CADM3: variants seen among roughly 807,000 people sequenced by gnomAD.
CADM3 encodes the protein cell adhesion molecule 3.
A neutral mutation model predicts 44.9 loss-of-function variants in CADM3; 11 were observed. The ratio of observed to expected loss-of-function variants is 0.25; its 90% CI spans 0.15 to 0.41. CADM3 has a LOEUF of 0.41. Ranked by LOEUF, CADM3 falls within the 10% of genes least tolerant of loss-of-function variation. The pLI is 1.00. For synonymous variants in CADM3, 207 were observed against 205.2 expected, an observed-to-expected ratio of 1.01 and a Z score of -0.08; for missense variants, 426 against 512.0, an observed-to-expected ratio of 0.83 and a Z score of 1.62.
chr1:159,183,312 A>G (rs1385945489), intron 1 of CADM3, among the ~76,000 whole-genome samples: 1 of 152,218 alleles, frequency 6.6e-6, no homozygotes, highest in Non-Finnish European at 1.5e-5. Context: ...CTGACCATCT[A>G]TCTTCACTCA....
chr1:159,171,950 T>G, intron 1 of CADM3, 97 bp downstream of exon 1: 1 of 808,254 alleles, frequency 1.2e-6, no homozygotes, highest in Non-Finnish European at 1.7e-6. Context: ...TTGGCTTTGT[T>G]TGGAACCGGG....
rs757240116 is a variant in CADM3, at chr1:159,193,629, G to A, written c.520+69G>A. ...GAAAGAGAGAGAAGTGCCTGTCTGT[G>A]AACGTACACAGGAGGCATGGTATGG... On this transcript the variant is annotated intron_variant, in intron 4 of 8. Transcript: ENST00000368125. 2.3e-5 allele frequency: 37 copies of A among 1,596,518 alleles called. No homozygotes were observed. In the South Asian group the frequency reaches 4.0e-4, roughly 17 times the overall value.
In CADM3 at chr1:159,192,562, C is replaced by T. The variant is rs1231475621; in HGVS notation, c.230-16C>T. ...GCCAGTAAAATCCTAGCTTTCCATT[C>T]TCTTGATTTCCCCAGCCCTTCGAGA... On this transcript the variant is annotated splice_polypyrimidine_tract_variant and intron_variant, in intron 2 of 8. Coordinates refer to ENST00000368125, the MANE Select transcript of CADM3 (RefSeq NM_001127173.3). The T allele has an allele frequency of 3.7e-6, 6 of 1,613,980 alleles. No individual in the cohort carries two copies. The African/African-American group carries it at 5.3e-5, about 14-fold the overall frequency.
At position 159,201,002 on chromosome 1, in the gene CADM3, G is replaced by C. The variant is rs904813092; in HGVS notation, c.*80G>C. 1 of 952,810 alleles carries C rather than the reference G, an allele frequency of 1.0e-6. No homozygotes were observed. The allele number at this position is 952,810 out of a possible 1,614,324, so 59.0% of individuals were successfully genotyped here. ...CGTCACCAACCCGGACTTGTACAGAGCAACCGCAGGGCCGCCCCTCCCGCT... is the reference window on the plus strand; with the variant it reads ...CGTCACCAACCCGGACTTGTACAGACCAACCGCAGGGCCGCCCCTCCCGCT... On this transcript the variant is annotated 3_prime_UTR_variant, in exon 9 of 9. Transcript: ENST00000368125.
chr1:159,188,422 ACTTTT>A (rs1649505181), intron 1 of CADM3, among the ~76,000 whole-genome samples: 1 of 149,476 alleles, frequency 6.7e-6, no homozygotes, highest in Non-Finnish European at 1.5e-5. Flanking sequence ...CCCACGTCCC[ACTTTT>A]CTTTGTAATC....
chr1:159,171,947 T>C (rs1410045624), intron 1 of CADM3, 94 bp downstream of exon 1: 20 of 826,286 alleles, frequency 2.4e-5, no homozygotes, highest in Non-Finnish European at 3.2e-5. Flanking sequence ...CTGTTGGCTT[T>C]GTTTGGAACC....
chr1:159,171,889 G>A (rs1333562815), intron 1 of CADM3, 36 bp downstream of exon 1: 2 of 1,205,896 alleles, frequency 1.7e-6, no homozygotes, highest in Non-Finnish European at 2.1e-6. Flanking sequence ...GGGGAGGTGG[G>A]GAGTGACCCG....
Position 159,199,761 on chromosome 1 carries a change from G to T in CADM3, c.963G>T (p.Pro321=), listed in dbSNP as rs753580284. 1.9e-6 allele frequency: 3 copies of T among 1,614,026 alleles called. No homozygotes were observed. In the Admixed American group the frequency reaches 5.0e-5, roughly 27 times the overall value. ...YYTLNVNDPS[P]VPSSSSTYHA... ...TGCCCTTTCTTCCAGACCCCAGTCC[G>T]GTGCCCTCCTCCTCCAGCACCTACC... Residue 321 remains proline, a synonymous_variant, in exon 8 of 9, where the codon CCG becomes CCT. Coordinates refer to ENST00000368125, the MANE Select transcript of CADM3 (RefSeq NM_001127173.3).
At chr1:159,191,538 T>C (rs1367407341) in intron 1 of CADM3, among the ~76,000 whole-genome samples, 3 of 152,212 alleles carry the variant, frequency 2.0e-5, no homozygotes, top group Non-Finnish European at 4.4e-5. Context: ...ATGTAGGTGG[T>C]GGCAGGAAGG....
intron 5 of CADM3, 29 bp downstream of exon 5, chr1:159,194,069 G>A: frequency 6.2e-7 from 1 of 1,602,598 alleles, no homozygotes; most frequent in Non-Finnish European, 8.5e-7. Flanking sequence ...GATGAAGAAG[G>A]ATGAGGTATG....
chr1:159,194,974 T>C (rs540953545), intron 5 of CADM3: 32 of 152,252 alleles, frequency 2.1e-4, no homozygotes, highest in Non-Finnish European at 3.8e-4. Context: ...GGTGTATTTC[T>C]TGTCCTAACT....
chr1:159,193,036 T>G (rs766698865), intron 3 of CADM3, among the ~76,000 whole-genome samples: 1 of 152,198 alleles, frequency 6.6e-6, no homozygotes. Flanking sequence ...ACACAAGACA[T>G]GCATGTGTTA....
intron 1 of CADM3, among the ~76,000 whole-genome samples, chr1:159,185,864 C>T (rs1010846713): frequency 2.6e-5 from 4 of 152,176 alleles, no homozygotes; most frequent in Non-Finnish European, 4.4e-5. Context: ...AGGGCCAATA[C>T]TGGATGCAAA....
chr1:159,196,653 C>T (rs979009747), intron 6 of CADM3, 199 bp downstream of exon 6: 1 of 631,752 alleles, frequency 1.6e-6, no homozygotes, highest in Non-Finnish European at 2.7e-6. Flanking sequence ...TAACTCAGTC[C>T]CTGAGTTTCC....
At chr1:159,173,616 G>A (rs2102086958) in intron 1 of CADM3, among the ~76,000 whole-genome samples, 1 of 152,292 alleles carries the variant, frequency 6.6e-6, no homozygotes, top group Non-Finnish European at 1.5e-5. Flanking sequence ...GCACGACAGA[G>A]AGGCTGCTGG....
At chr1:159,174,985 C>T (rs1229855312) in intron 1 of CADM3, among the ~76,000 whole-genome samples, 1 of 152,214 alleles carries the variant, frequency 6.6e-6, no homozygotes. Context: ...TACTGCACTG[C>T]CCCACACATG....
chr1:159,192,390 A>G (rs1649702342), intron 2 of CADM3, among the ~76,000 whole-genome samples, 188 bp from the exon 3 acceptor site: 1 of 152,186 alleles, frequency 6.6e-6, no homozygotes, highest in South Asian at 2.1e-4. Flanking sequence ...AGTAGCTCTT[A>G]GGCTACTATG....
chr1:159,195,876 G>A (rs1649870970), intron 5 of CADM3: 1 of 153,052 alleles, frequency 6.5e-6, no homozygotes, highest in Admixed American at 6.5e-5. Context: ...GTCTCTTGCT[G>A]TTTCAAAGCT....
Position 159,191,963 on chromosome 1 carries a change from C to G in CADM3, c.116C>G (p.Thr39Arg). The G allele has an allele frequency of 6.2e-7, 1 of 1,614,144 alleles. No individual in the cohort carries two copies. The highest frequency in any genetic ancestry group is 8.5e-7 in the Non-Finnish European group (1 of 1,180,030). ...DDSQPWTSDE[T>R]VVAGGTVVLK... ...AGCCAGCCCTGGACATCTGATGAAA[C>G]AGTGGTGGCTGGTGGCACCGTGGTG... The change falls in exon 2 of 9, where the codon ACA becomes AGA. Residue 39 changes from threonine (T) to arginine (R), a missense_variant. By Grantham distance (71) the Thr-to-Arg change is moderately conservative. Transcript: ENST00000368125.
Sources: allele counts gnomAD v4.1 joint callset (sites outside exome capture counted in the v4.1 genomes callset), GRCh38; gene constraint gnomAD v4.1.1; transcripts MANE v1.5; gene names NCBI Gene and HGNC (gene_info 2026-07-23, HGNC 2026-07-21).